Variants in MYO9B observed in about 807,000 individuals in gnomAD.
MYO9B encodes unconventional myosin-IXb.
In MYO9B, 71 loss-of-function variants were observed where a neutral mutation model predicts 229.5. The ratio of observed to expected loss-of-function variants is 0.31; its 90% confidence interval spans 0.26 to 0.38. The LOEUF (loss-of-function observed/expected upper bound fraction) is 0.38, where lower values mean the gene tolerates loss of function less well. Ranked by LOEUF, MYO9B falls within the 10% of genes least tolerant of loss-of-function variation. The probability of loss-of-function intolerance (pLI) is 1.00; values close to 1 mark genes in which losing one functional copy is unlikely to be tolerated. For missense variants in MYO9B, 2,255 were observed against 2,920.5 expected (o/e 0.77, Z 5.25); for synonymous variants, 1,185 against 1,235.8 (o/e 0.96, Z 0.86).
At chr19:17,098,980 A>G (rs1385771271) in intron 1 of MYO9B, among the ~76,000 whole-genome samples, 1 of 3,384 alleles carries the variant, frequency 3.0e-4, no homozygotes, top group African/African-American at 8.5e-4. Flanking sequence ...CTCTCTTAGG[A>G]AAAAAAAAAA....
At chr19:17,079,559 A>G (rs958390985) in intron 1 of MYO9B, among the ~76,000 whole-genome samples, 31 of 152,116 alleles carry the variant, frequency 2.0e-4, no homozygotes, top group Admixed American at 8.5e-4. Flanking sequence ...AAGCTGCATT[A>G]TCTCTTCCAT....
chr19:17,136,321 G>A (rs1209014652), intron 2 of MYO9B, among the ~76,000 whole-genome samples: 1 of 152,122 alleles, frequency 6.6e-6, no homozygotes, highest in Non-Finnish European at 1.5e-5. Context: ...CCAAGGAGAC[G>A]AGTCAGTGCC....
At chr19:17,077,956 C>T (rs532450086) in intron 1 of MYO9B, among the ~76,000 whole-genome samples, 5 of 152,284 alleles carry the variant, frequency 3.3e-5, no homozygotes, top group South Asian at 2.1e-4. Context: ...GAGGCAGTAC[C>T]GTCCCTCGGG....
intron 20 of MYO9B, among the ~76,000 whole-genome samples, chr19:17,192,225 G>A (rs1224040975): frequency 6.6e-6 from 1 of 151,244 alleles, no homozygotes; most frequent in Non-Finnish European, 1.5e-5. Flanking sequence ...ACCGGGAGGC[G>A]GAGGTTGCAG....
At chr19:17,076,510 G>C (rs2057485658) in intron 1 of MYO9B, among the ~76,000 whole-genome samples, 1 of 152,122 alleles carries the variant, frequency 6.6e-6, no homozygotes, top group African/African-American at 2.4e-5. Context: ...GCCCGGAGAG[G>C]AGGGAAGAGA....
At chr19:17,080,659 G>A (rs1342552681) in intron 1 of MYO9B, among the ~76,000 whole-genome samples, 2 of 152,116 alleles carry the variant, frequency 1.3e-5, no homozygotes. Flanking sequence ...CTTGAGGCCA[G>A]GAGTTTAAGA....
At chr19:17,211,382 C>T (rs1468795584) in intron 38 of MYO9B, among the ~76,000 whole-genome samples, 1 of 152,168 alleles carries the variant, frequency 6.6e-6, no homozygotes, top group East Asian at 1.9e-4. Flanking sequence ...CGGGGTCCTC[C>T]CACCTCAGCC....
chr19:17,106,520 A>G (rs1259846560), intron 2 of MYO9B, among the ~76,000 whole-genome samples: 2 of 152,244 alleles, frequency 1.3e-5, no homozygotes, highest in Non-Finnish European at 2.9e-5. Flanking sequence ...ACTCAGCCAC[A>G]GTGAAACTGC....
In MYO9B at chr19:17,193,469, C is replaced by T. The variant is rs780418571; in HGVS notation, c.3128+407C>T. On this transcript the variant is annotated intron_variant, in intron 21 of 39. Coordinates refer to ENST00000682292, the MANE Select transcript of MYO9B (RefSeq NM_004145.4). The surrounding 1 kb of genome is among the most constrained non-coding windows in gnomAD (Gnocchi z 4.3). The stretch of plus-strand genomic sequence containing the variant: ...GCTCCCGTCCCAGCACCCACAGCTC[C>T]GAGCCCAGCCCCTCCCCGACCTAGG... 9.2e-5 allele frequency among the ~76,000 whole-genome samples: 14 copies of T among 152,118 alleles called. No individual in the cohort carries two copies. The highest frequency in any genetic ancestry group is 3.1e-4 in the African/African-American group (13 of 41,428).
intron 21 of MYO9B, 75 bp from the exon 22 acceptor site, chr19:17,194,481 G>T (rs952664038): frequency 7.9e-6 from 12 of 1,509,746 alleles, no homozygotes; most frequent in Middle Eastern, 1.8e-4. Context: ...CAGGCTGGGG[G>T]TCCCATCGGA....
chr19:17,188,794 A>C (rs547069678), intron 19 of MYO9B, among the ~76,000 whole-genome samples: 1 of 152,008 alleles, frequency 6.6e-6, no homozygotes, highest in African/African-American at 2.4e-5. Flanking sequence ...AGGAGGATCA[A>C]TTGAGCCTAG....
At chr19:17,169,179 C>G (rs925674708) in intron 11 of MYO9B, among the ~76,000 whole-genome samples, 1 of 151,994 alleles carries the variant, frequency 6.6e-6, no homozygotes, top group African/African-American at 2.4e-5. Flanking sequence ...GGAGACCAGC[C>G]TGGCCAACAT....
At chr19:17,163,928 C>T (rs763798282) in intron 10 of MYO9B, among the ~76,000 whole-genome samples, 1 of 152,180 alleles carries the variant, frequency 6.6e-6, no homozygotes, top group Non-Finnish European at 1.5e-5. Context: ...GTGCATAATG[C>T]TTCTTTGAAC....
At chr19:17,089,807 G>A (rs929765300) in intron 1 of MYO9B, among the ~76,000 whole-genome samples, 3 of 152,022 alleles carry the variant, frequency 2.0e-5, no homozygotes, top group Admixed American at 6.6e-5. Flanking sequence ...TGCACATAAC[G>A]TGTAATTTAT....
chr19:17,196,879 G>A (rs1030761697), intron 22 of MYO9B, among the ~76,000 whole-genome samples: 20 of 151,898 alleles, frequency 1.3e-4, no homozygotes, highest in African/African-American at 4.8e-4. Flanking sequence ...AGATAGAGAT[G>A]GAGAGATGGA....
At chr19:17,206,225 G>GGGGGCCCCCCCCCCCCCCCCCC in intron 32 of MYO9B, 23 bp from the exon 33 acceptor site, 1 of 1,564,666 alleles carries the variant, frequency 6.4e-7, no homozygotes, top group Non-Finnish European at 8.7e-7. Flanking sequence ...CCGCTCACCA[G>GGGGGCCCCCCCCCCCCCCCCCC]ACCCACCCCA....
chr19:17,193,082 G>C lies in MYO9B; in HGVS notation c.3128+20G>C. 1 of 1,430,966 alleles carries C rather than the reference G, an allele frequency of 7.0e-7. No individual in the cohort carries two copies. Among genetic ancestry groups the C allele is most frequent in the Non-Finnish European group, 9.1e-7 (1 of 1,093,368 alleles). 88.6% of individuals were successfully genotyped at this position (1,430,966 alleles called of 1,614,324 possible). On this transcript the variant is annotated intron_variant, in intron 21 of 39. Transcript: ENST00000682292. This position sits in a 1 kb window ranked among gnomAD's most constrained non-coding sequence, Gnocchi z 4.3. ...CAAGAGGTGAGCAGAGCCGGGCCAC[G>C]CTCCTCGGAATATTCCAGAAGCCAA...
intron 30 of MYO9B, among the ~76,000 whole-genome samples, chr19:17,203,859 C>G (rs1332346139): frequency 6.6e-6 from 1 of 152,120 alleles, no homozygotes; most frequent in Admixed American, 6.6e-5. Flanking sequence ...ATCGGCCCCT[C>G]CTTCCCCAGG....
chr19:17,141,224 G>A lies in MYO9B; in HGVS notation c.841-4173G>A, dbSNP rs966785576. ...TGTCTCTCTGTGTCATTGTGTCTCC[G>A]GTTTCCGCCTCCCTGGTGTGCTTGG... On this transcript the variant is annotated intron_variant, in intron 2 of 39. Coordinates refer to ENST00000682292, the MANE Select transcript of MYO9B (RefSeq NM_004145.4). Among the ~76,000 whole-genome samples the A allele has an allele frequency of 3.9e-4, 59 of 151,976 alleles. 1 individual carries two copies. The highest frequency in any genetic ancestry group is 1.6e-4 in the Non-Finnish European group (11 of 68,000).
Sources: gnomAD v4.1 joint callset for allele counts (sites outside exome capture counted in the v4.1 genomes callset) on GRCh38, gnomAD v4.1.1 for gene constraint, Gnocchi (gnomAD v3.1) non-coding constraint, MANE v1.5 for transcripts, NCBI Gene and HGNC (gene_info 2026-07-23, HGNC 2026-07-21) for gene names.